S1PR2: variants seen among roughly 807,000 people sequenced by gnomAD.
S1PR2 encodes sphingosine 1-phosphate receptor 2.
Under a neutral mutation model 16.1 loss-of-function variants are expected in S1PR2, and 9 were observed. That is an observed-to-expected ratio of 0.56 (90% CI 0.34 to 0.98). S1PR2 has a LOEUF of 0.98. Ranked by LOEUF, S1PR2 falls within the 50% of genes least tolerant of loss-of-function variation. S1PR2 has a pLI of 0.02. For synonymous variants in S1PR2, 224 were observed against 233.9 expected, an observed-to-expected ratio of 0.96 and a Z score of 0.38; for missense variants, 361 against 488.4, an observed-to-expected ratio of 0.74 and a Z score of 2.46.
rs2039631828 is a variant in S1PR2, at chr19:10,225,947, A to AT, written c.-42-1001dup. Among the ~76,000 whole-genome samples the AT allele has an allele frequency of 4.6e-5, 7 of 152,258 alleles. No individual in the cohort carries two copies. In the South Asian group the frequency reaches 1.4e-3, roughly 31 times the overall value. On this transcript the variant is annotated intron_variant, in intron 1 of 1. Transcript: ENST00000646641. ...TTGTCTCTACTCCTGGGCTCAAGTG[A>AT]TCCTCCTGCCTCAGTCTCCTGAGTA...
intron 1 of S1PR2, among the ~76,000 whole-genome samples, chr19:10,226,428 A>G (rs1338447259): frequency 6.6e-6 from 1 of 152,208 alleles, no homozygotes; most frequent in Non-Finnish European, 1.5e-5. Context: ...TGCAATAGAG[A>G]GAAGAAAGCC....
rs758026150 is a variant in S1PR2, at chr19:10,224,139, T to C, written c.767A>G (p.Asp256Gly). Residue 256 changes from aspartate (D) to glycine (G), a missense_variant, in exon 2 of 2, where the codon GAC becomes GGC. Physicochemically the swap from Asp to Gly is moderately conservative, Grantham distance 94. Transcript: ENST00000646641. Reference protein sequence around the residue: ...WLPAFSILLLDYACPVHSCPI... With the variant: ...WLPAFSILLLGYACPVHSCPI... ...GCAGGAGTGGACGGGACAGGCATAG[T>C]CCAGAAGGAGGATGCTGAAGGCGGG... 3.7e-6 allele frequency: 6 copies of C among 1,605,330 alleles called. No homozygotes were observed. The highest frequency in any genetic ancestry group is 5.1e-6 in the Non-Finnish European group (6 of 1,179,978).
Position 10,223,953 on chromosome 19 carries a change from C to T in S1PR2, c.953G>A (p.Gly318Asp). The T allele has an allele frequency of 6.2e-7, 1 of 1,604,914 alleles. No individual in the cohort carries two copies. Among genetic ancestry groups the T allele is most frequent in the Non-Finnish European group, 8.5e-7 (1 of 1,175,558 alleles). Residue 318 changes from glycine (G) to aspartate (D), a missense_variant, in exon 2 of 2, where the codon GGC (glycine) becomes GAC (aspartate). Coordinates refer to ENST00000646641, the MANE Select transcript of S1PR2 (RefSeq NM_004230.4). ...PGVGVQGRRRGGTPGHHLLPL... is the reference protein window; with the variant it reads ...PGVGVQGRRRDGTPGHHLLPL... ...CAGGAGGTGGTGGCCCGGGGTCCCG[C>T]CCCGCCTCCGTCCTTGCACCCCCAC...
intron 1 of S1PR2, among the ~76,000 whole-genome samples, chr19:10,225,425 C>T (rs1364981309): frequency 1.7e-5 from 2 of 116,258 alleles, no homozygotes; most frequent in Non-Finnish European, 3.3e-5. Context: ...GAGATGGAGT[C>T]TCCCTCTGTT....
chr19:10,230,103 C>T (rs2039661109), intron 1 of S1PR2, among the ~76,000 whole-genome samples: 1 of 152,256 alleles, frequency 6.6e-6, no homozygotes, highest in Non-Finnish European at 1.5e-5. Flanking sequence ...CTCTGGTCCG[C>T]GGGCAGCGCC....
intron 1 of S1PR2, among the ~76,000 whole-genome samples, chr19:10,230,654 G>T (rs1023595082): frequency 1.3e-5 from 2 of 152,222 alleles, no homozygotes; most frequent in African/African-American, 4.8e-5. Context: ...AAGAGGAGGC[G>T]TCTGAGCCAC....
Position 10,223,731 on chromosome 19 carries a change from G to T in S1PR2, c.*113C>A. 2 of 973,750 alleles carry T rather than the reference G, an allele frequency of 2.1e-6. No individual in the cohort carries two copies. Among genetic ancestry groups the T allele is most frequent in the Non-Finnish European group, 1.5e-6 (1 of 662,114 alleles). The allele number at this position is 973,750 out of a possible 1,614,324, so 60.3% of individuals were successfully genotyped here. A position where few individuals can be genotyped will look rare whatever the true frequency, so the allele number is the denominator to read the frequency against. On this transcript the variant is annotated 3_prime_UTR_variant, in exon 2 of 2. Coordinates refer to ENST00000646641, the MANE Select transcript of S1PR2 (RefSeq NM_004230.4). Reference sequence around the variant, plus strand: ...GTGAAATATTTGCAACATCACCCAGGTCTGTGGGGCGGGGGCATCTGGCTC... The same window carrying T: ...GTGAAATATTTGCAACATCACCCAGTTCTGTGGGGCGGGGGCATCTGGCTC...
chr19:10,226,662 C>T (rs968756034), intron 1 of S1PR2, among the ~76,000 whole-genome samples: 6 of 152,180 alleles, frequency 3.9e-5, no homozygotes, highest in Admixed American at 3.9e-4. Flanking sequence ...CCGGGATGGG[C>T]AGGGCGCTGG....
At position 10,224,216 on chromosome 19, in the gene S1PR2, G is replaced by A. The variant is rs751157414; in HGVS notation, c.690C>T (p.Ala230=). 8 of 1,613,100 alleles carry A rather than the reference G, an allele frequency of 5.0e-6. No individual in the cohort carries two copies. The highest frequency in any genetic ancestry group is 5.9e-6 in the Non-Finnish European group (7 of 1,180,032). ...HADMAAPQTL[A]LLKTVTIVLG... is the part of the protein sequence containing the mutation. The stretch of plus-strand genomic sequence containing the variant: ...GCACGATGGTGACCGTCTTGAGCAG[G>A]GCTAGCGTCTGCGGGGCGGCCATGT... Residue 230 remains alanine (A), a synonymous_variant, in exon 2 of 2, where the codon GCC becomes GCT. Coordinates refer to ENST00000646641, the MANE Select transcript of S1PR2 (RefSeq NM_004230.4).
At chr19:10,225,986 A>ACC (rs57295053) in intron 1 of S1PR2, among the ~76,000 whole-genome samples, 2,163 of 152,258 alleles carry the variant, frequency 0.014, 40 homozygotes, top group African/African-American at 0.045. Context: ...ACACGCTTTC[A>ACC]AAGGGAAAGA....
rs750986918 is a variant in S1PR2 at position 10,224,675 on chromosome 19, G to T, written c.231C>A (p.Ala77=). ...AMYLFLGNLA[A]SDLLAGVAFV... ...AGGCCACGCCTGCCAGTAGATCGGAGGCGGCCAGGTTGCCCAGAAACAGGT... is the reference window on the plus strand; with the variant it reads ...AGGCCACGCCTGCCAGTAGATCGGATGCGGCCAGGTTGCCCAGAAACAGGT... Residue 77 remains alanine, a synonymous_variant, in exon 2 of 2, where the codon GCC becomes GCA. Transcript: ENST00000646641. 1.9e-6 allele frequency: 3 copies of T among 1,614,168 alleles called. No homozygotes were observed. The highest frequency in any genetic ancestry group is 2.5e-6 in the Non-Finnish European group (3 of 1,180,050).
intron 1 of S1PR2, among the ~76,000 whole-genome samples, chr19:10,230,796 G>A (rs2039670969): frequency 6.6e-6 from 1 of 152,216 alleles, no homozygotes; most frequent in Non-Finnish European, 1.5e-5. Flanking sequence ...GCCGCCCCTT[G>A]GCTTGGAGGC....
In S1PR2 at chr19:10,223,003, CAA is replaced by C. The variant is rs35364624; in HGVS notation, c.*839_*840del. ...TGAAACCCCGTCTCTACTAAAAATA[CAA>C]AAAAAAAAAAAATTACCTGGGCGTG... On this transcript the variant is annotated 3_prime_UTR_variant, in exon 2 of 2. Transcript: ENST00000646641. 5 of 131,096 alleles carry C rather than the reference CAA, an allele frequency of 3.8e-5. No homozygotes were observed. The highest frequency in any genetic ancestry group is 7.8e-5 in the Admixed American group (1 of 12,864). The allele number at this position is 131,096 out of a possible 1,614,324, so 8.1% of individuals were successfully genotyped here. A position where few individuals can be genotyped will look rare whatever the true frequency, so the allele number is the denominator to read the frequency against.
At chr19:10,228,414 G>T (rs1026747766) in intron 1 of S1PR2, among the ~76,000 whole-genome samples, 3 of 152,178 alleles carry the variant, frequency 2.0e-5, no homozygotes, top group East Asian at 3.8e-4. Flanking sequence ...AAGACTGGGG[G>T]TGCTGCACTC....
chr19:10,226,678 C>T (rs1277848960), intron 1 of S1PR2, among the ~76,000 whole-genome samples: 2 of 152,172 alleles, frequency 1.3e-5, no homozygotes, highest in Non-Finnish European at 2.9e-5. Context: ...GCTGGCACCC[C>T]CTCCCCAGCC....
chr19:10,228,203 T>C (rs1170121852), intron 1 of S1PR2, among the ~76,000 whole-genome samples: 1 of 150,732 alleles, frequency 6.6e-6, no homozygotes, highest in Non-Finnish European at 1.5e-5. Flanking sequence ...TCCCAGCTAC[T>C]TGGGAGACTG....
Position 10,224,314 on chromosome 19 carries a change from A to G in S1PR2, c.592T>C (p.Phe198Leu). ...KHYVLCVVTIFSIILLAIVAL... is the reference protein window; with the variant it reads ...KHYVLCVVTILSIILLAIVAL... Reference sequence around the variant, plus strand: ...ACGATGGCCAACAGGATGATGGAGAAGATGGTCACCACGCACAGCACATAA... The same window carrying G: ...ACGATGGCCAACAGGATGATGGAGAGGATGGTCACCACGCACAGCACATAA... Residue 198 changes from phenylalanine to leucine, a missense_variant, in exon 2 of 2, where the codon TTC (phenylalanine) becomes CTC (leucine). Coordinates refer to ENST00000646641, the MANE Select transcript of S1PR2 (RefSeq NM_004230.4). 1 of 1,614,144 alleles carries G rather than the reference A, an allele frequency of 6.2e-7. No homozygotes were observed. The highest frequency in any genetic ancestry group is 8.5e-7 in the Non-Finnish European group (1 of 1,180,038).
At chr19:10,229,769 A>T (rs539513643) in intron 1 of S1PR2, among the ~76,000 whole-genome samples, 89 of 152,190 alleles carry the variant, frequency 5.8e-4, no homozygotes, top group African/African-American at 1.8e-3. Flanking sequence ...CTACAATAGC[A>T]GCCATCTCCA....
Position 10,229,372 on chromosome 19 carries a change from C to T in S1PR2, c.-43+1832G>A, listed in dbSNP as rs530876512. On this transcript the variant is annotated intron_variant, in intron 1 of 1. Transcript: ENST00000646641. ...TGGTGTGATCTCGGCTCACCACAACCTCTGCCTCCTGAGTTCAAGCGATTC... is the reference window on the plus strand; with the variant it reads ...TGGTGTGATCTCGGCTCACCACAACTTCTGCCTCCTGAGTTCAAGCGATTC... Among the ~76,000 whole-genome samples, 12 of 150,922 alleles carry T rather than the reference C, an allele frequency of 8.0e-5. No homozygotes were observed. The South Asian group carries it at 2.5e-3, about 32-fold the overall frequency.
Sources: allele counts gnomAD v4.1 joint callset (sites outside exome capture counted in the v4.1 genomes callset), GRCh38; gene constraint gnomAD v4.1.1; transcripts MANE v1.5; gene names NCBI Gene and HGNC (gene_info 2026-07-23, HGNC 2026-07-21).